Variants in TENM3 observed in about 807,000 individuals in gnomAD.
TENM3 encodes teneurin transmembrane protein 3.
In TENM3, 63 loss-of-function variants were observed where a neutral mutation model predicts 255.1. The ratio of observed to expected loss-of-function variants is 0.25; its 90% CI spans 0.20 to 0.30. TENM3 has a LOEUF of 0.30. Among genes scored for constraint, TENM3 ranks in the 10% least tolerant of loss-of-function variants. The probability of loss-of-function intolerance (pLI) is 1.00; values close to 1 mark genes in which losing one functional copy is unlikely to be tolerated. For synonymous variants in TENM3, 1,306 were observed against 1,322.3 expected, an observed-to-expected ratio of 0.99 and a Z score of 0.27; for missense variants, 2,929 against 3,461.1, an observed-to-expected ratio of 0.85 and a Z score of 3.86.
chr4:182,732,003 C>G (rs76122330), intron 16 of TENM3, among the ~76,000 whole-genome samples: 13,279 of 151,834 alleles, frequency 0.087, 812 homozygotes, highest in South Asian at 0.12. Context: ...GGATGGTCTC[C>G]ATCTCCTGAC....
At chr4:181,961,662 A>G in the TENM3 span, among the ~76,000 whole-genome samples, 4 of 152,084 alleles carry the variant, frequency 2.6e-5, no homozygotes, top group Admixed American at 6.6e-5. Context: ...CTCGTGATCC[A>G]CCCACCTTGG....
chr4:182,294,069 A>G (rs1761302469), intron 1 of TENM3, among the ~76,000 whole-genome samples: 1 of 151,998 alleles, frequency 6.6e-6, no homozygotes, highest in African/African-American at 2.4e-5. Flanking sequence ...AGGGAGTCGG[A>G]AGCATTGGAG....
Position 182,324,025 on chromosome 4 carries a change from A to G in TENM3, c.5A>G (p.Asp2Gly). The change falls in exon 2 of 28, where the codon GAT (aspartate) becomes GGT (glycine). Residue 2 changes from aspartate (D) to glycine (G), a missense_variant. Around this residue, in one of 6 missense-constraint regions of TENM3, gnomAD observed 283 missense variants for 256.9 expected, o/e 1.10. Coordinates refer to ENST00000511685, the MANE Select transcript of TENM3 (RefSeq NM_001080477.4). Reference sequence around the variant, plus strand: ...TGCACACAGAAGGAATGAAGTATGGATGTGAAAGAACGCAGGCCTTACTGC... The same window carrying G: ...TGCACACAGAAGGAATGAAGTATGGGTGTGAAAGAACGCAGGCCTTACTGC... MDVKERRPYCSL... is the reference protein window; with the variant it reads MGVKERRPYCSL... 1 of 1,613,450 alleles carries G rather than the reference A, an allele frequency of 6.2e-7. No homozygotes were observed. Among genetic ancestry groups the G allele is most frequent in the Non-Finnish European group, 8.5e-7 (1 of 1,179,656 alleles).
chr4:182,760,793 T>C (rs1413552479), intron 22 of TENM3, among the ~76,000 whole-genome samples: 2 of 152,140 alleles, frequency 1.3e-5, no homozygotes. Flanking sequence ...TCAGTGCCCA[T>C]GGCAAACCCA....
chr4:181,716,278 T>C, the TENM3 span, among the ~76,000 whole-genome samples: 1 of 152,236 alleles, frequency 6.6e-6, no homozygotes, highest in Non-Finnish European at 1.5e-5. Context: ...ATATGGATTA[T>C]ATTGTCTATT....
the TENM3 span, among the ~76,000 whole-genome samples, chr4:181,867,971 A>T: frequency 6.6e-6 from 1 of 152,210 alleles, no homozygotes; most frequent in South Asian, 2.1e-4. Context: ...ATTGAGGAAA[A>T]GTTTTCAAGA....
rs555816238 is a variant in TENM3, at chr4:182,653,466, A to G, written c.989-305A>G. Among the ~76,000 whole-genome samples, 17 of 152,354 alleles carry G rather than the reference A, an allele frequency of 1.1e-4. No homozygotes were observed. In the South Asian group the frequency reaches 3.3e-3, roughly 30 times the overall value. Reference sequence around the variant, plus strand: ...TAGGGTGTTCTACCAGTTACTTAAAAGATGGTGAAAAATGGAACTCAATTA... The same window carrying G: ...TAGGGTGTTCTACCAGTTACTTAAAGGATGGTGAAAAATGGAACTCAATTA... On this transcript the variant is annotated intron_variant, in intron 5 of 27. Transcript: ENST00000511685.
intron 17 of TENM3, among the ~76,000 whole-genome samples, chr4:182,737,542 C>T (rs978853128): frequency 7.9e-5 from 12 of 152,068 alleles, no homozygotes; most frequent in Non-Finnish European, 1.5e-4. Flanking sequence ...TTCACTAGAA[C>T]GGCCGGTTCA....
intron 3 of TENM3, among the ~76,000 whole-genome samples, chr4:182,597,827 C>T (rs1747415370): frequency 6.6e-6 from 1 of 152,182 alleles, no homozygotes; most frequent in Non-Finnish European, 1.5e-5. Flanking sequence ...GTAGAGCTAG[C>T]ATTGACCCTA....
At chr4:182,235,847 C>A (rs1449418017) in intron 1 of TENM3, among the ~76,000 whole-genome samples, 1 of 152,216 alleles carries the variant, frequency 6.6e-6, no homozygotes, top group East Asian at 1.9e-4. Flanking sequence ...AATTGTTGAG[C>A]ACCTACCATG....
At chr4:182,435,339 G>C (rs2151217606) in intron 3 of TENM3, among the ~76,000 whole-genome samples, 1 of 152,260 alleles carries the variant, frequency 6.6e-6, no homozygotes, top group East Asian at 1.9e-4. Context: ...TATACTGCAG[G>C]TGAATTTTTT....
At chr4:182,533,462 C>A (rs1450649099) in intron 3 of TENM3, among the ~76,000 whole-genome samples, 1 of 151,196 alleles carries the variant, frequency 6.6e-6, no homozygotes, top group Non-Finnish European at 1.5e-5. Context: ...TCACTTGAGC[C>A]CAGGAAGTCG....
the TENM3 span, among the ~76,000 whole-genome samples, chr4:181,890,106 T>C: frequency 1.3e-5 from 2 of 152,180 alleles, no homozygotes; most frequent in Non-Finnish European, 1.5e-5. Flanking sequence ...TGAGGTTCAG[T>C]GTATCTGAGG....
chr4:182,364,621 G>A (rs1334112173), intron 3 of TENM3, among the ~76,000 whole-genome samples: 6 of 152,080 alleles, frequency 3.9e-5, no homozygotes, highest in Admixed American at 2.6e-4. Flanking sequence ...GGGTTTCACC[G>A]TGTCAGCCAG....
the TENM3 span, among the ~76,000 whole-genome samples, chr4:181,750,265 G>C: frequency 6.6e-6 from 1 of 152,126 alleles, no homozygotes; most frequent in Non-Finnish European, 1.5e-5. Context: ...AGAATTATGA[G>C]TTCTTCAGGC....
the TENM3 span, among the ~76,000 whole-genome samples, chr4:181,664,858 G>A: frequency 6.6e-6 from 1 of 152,196 alleles, no homozygotes; most frequent in Non-Finnish European, 1.5e-5. Context: ...GGTGATGAGT[G>A]CTGCTTTACC....
At chr4:182,164,066 A>G (rs969379891) in intron 1 of TENM3, among the ~76,000 whole-genome samples, 1 of 152,204 alleles carries the variant, frequency 6.6e-6, no homozygotes, top group African/African-American at 2.4e-5. Context: ...GGACCCTGTG[A>G]GAGTGACAGT....
At chr4:181,913,101 G>A in the TENM3 span, among the ~76,000 whole-genome samples, 29 of 152,134 alleles carry the variant, frequency 1.9e-4, no homozygotes, top group African/African-American at 7.0e-4. Flanking sequence ...ATAACACGGA[G>A]AGGAAAAGAA....
the TENM3 span, among the ~76,000 whole-genome samples, chr4:181,699,301 C>T: frequency 6.6e-6 from 1 of 151,764 alleles, no homozygotes; most frequent in African/African-American, 2.4e-5. Context: ...CATGGTGGTA[C>T]ACATCTGTAG....
Sources: gnomAD v4.1 joint callset for allele counts (sites outside exome capture counted in the v4.1 genomes callset) on GRCh38, gnomAD v4.1.1 for gene constraint, gnomAD v4.1.1 regional missense constraint, MANE v1.5 for transcripts, NCBI Gene and HGNC (gene_info 2026-07-23, HGNC 2026-07-21) for gene names.